The following SOS1 variants were observed in gnomAD, a reference collection of about 807,000 sequenced individuals.
The protein encoded by SOS1 is son of sevenless homolog 1.
Under a neutral mutation model 157.6 loss-of-function variants are expected in SOS1, and 25 were observed. The observed-to-expected ratio is 0.16, with a 90% CI of 0.12 to 0.22. The LOEUF (loss-of-function observed/expected upper bound fraction) is 0.22, where lower values mean the gene tolerates loss of function less well. Ranked by LOEUF, SOS1 falls within the 10% of genes least tolerant of loss-of-function variation. The pLI, the probability that SOS1 is intolerant of heterozygous loss-of-function variation, is 1.00. For missense variants in SOS1, 1,237 were observed against 1,599.1 expected (o/e 0.77, Z 3.86); for synonymous variants, 528 against 534.0 (o/e 0.99, Z 0.16).
Position 38,986,228 on chromosome 2 carries a change from C to G in SOS1, c.3598G>C (p.Asp1200His), listed in dbSNP as rs756728233. 2 of 1,613,662 alleles carry G rather than the reference C, an allele frequency of 1.2e-6. No individual in the cohort carries two copies. The highest frequency in any genetic ancestry group is 1.7e-5 in the Admixed American group (1 of 59,952). The change falls in exon 23 of 23, where the codon GAC (aspartate) becomes CAC (histidine). Residue 1200 changes from aspartate to histidine, a missense_variant. Physicochemically the swap from Asp to His is moderately conservative, Grantham distance 81. Coordinates refer to ENST00000402219, the MANE Select transcript of SOS1 (RefSeq NM_005633.4). ...KAYSPRYSIS[D>H]RTSISDPPES... ...GGAGGGTCTGAGATAGAGGTCCGGT[C>G]TGATATTGAATATCGTGGTGAATAG...
Position 39,023,223 on chromosome 2 carries a change from T to A in SOS1, c.1205A>T (p.Glu402Val), listed in dbSNP as rs1669853322. Residue 402 changes from glutamate to valine, a missense_variant and splice_region_variant, in exon 10 of 23, where the codon GAA (glutamate) becomes GTA (valine). Coordinates refer to ENST00000402219, the MANE Select transcript of SOS1 (RefSeq NM_005633.4). ...SKSLAKRRLS[E>V]SACRFYSQQM... ...CTGACTATAAAACCGACATGCAGATTCACTGGAATAAAGAAAAAGACATTA... is the reference window on the plus strand; with the variant it reads ...CTGACTATAAAACCGACATGCAGATACACTGGAATAAAGAAAAAGACATTA... The A allele has an allele frequency of 2.5e-6, 4 of 1,611,394 alleles. No individual in the cohort carries two copies. Among genetic ancestry groups the A allele is most frequent in the Non-Finnish European group, 3.4e-6 (4 of 1,178,006 alleles).
chr2:39,006,278 G>A, intron 17 of SOS1, 134 bp downstream of exon 17: 1 of 697,784 alleles, frequency 1.4e-6, no homozygotes, highest in Admixed American at 2.1e-5. Context: ...ATTCTAAAGG[G>A]CTTCAGGTGC....
At chr2:39,122,868 T>A (rs1673942822), upstream of SOS1, among the ~76,000 whole-genome samples, 1 of 151,730 alleles carries the variant, frequency 6.6e-6, no homozygotes, top group Non-Finnish European at 1.5e-5. Flanking sequence ...ATTTAAAGGG[T>A]TGTGATATGG....
At chr2:39,061,616 A>G (rs1671408291) in intron 2 of SOS1, among the ~76,000 whole-genome samples, 1 of 152,084 alleles carries the variant, frequency 6.6e-6, no homozygotes, top group Non-Finnish European at 1.5e-5. Context: ...GGAACTCCTG[A>G]GCTCAAAGTG....
intron 2 of SOS1, among the ~76,000 whole-genome samples, chr2:39,064,742 ATTTTT>A (rs4015841): frequency 6.4e-4 from 48 of 74,826 alleles, no homozygotes; most frequent in African/African-American, 2.1e-3. Context: ...TTTAAAATAC[ATTTTT>A]TTTTTTTTTT....
intron 17 of SOS1, among the ~76,000 whole-genome samples, chr2:38,999,141 A>G (rs770641842): frequency 1.3e-5 from 2 of 152,228 alleles, no homozygotes; most frequent in Non-Finnish European, 2.9e-5. Context: ...AAAAATGAGA[A>G]GTGTAATGAG....
chr2:38,987,769 GCAGA>G (rs1442561498), intron 21 of SOS1, 178 bp from the exon 22 acceptor site: 11 of 574,256 alleles, frequency 1.9e-5, no homozygotes, highest in Non-Finnish European at 3.1e-5. Flanking sequence ...ATAAAAGCAT[GCAGA>G]CATTTTTTAG....
At position 39,105,315 on chromosome 2, in the gene SOS1, G is replaced by A. The variant is rs536537160; in HGVS notation, c.87+15021C>T. ...ATTTTTTTTTTTTTTAAATAGAGAT[G>A]GGGTCTCACCATGTTGCCCAGGCTG... On this transcript the variant is annotated intron_variant, in intron 1 of 22. Coordinates refer to ENST00000402219, the MANE Select transcript of SOS1 (RefSeq NM_005633.4). 8.8e-4 allele frequency among the ~76,000 whole-genome samples: 132 copies of A among 149,470 alleles called. 1 individual carries two copies. The South Asian group carries it at 0.019, about 21-fold the overall frequency.
At chr2:39,034,780 T>C in intron 8 of SOS1, 1 of 455,986 alleles carries the variant, frequency 2.2e-6, no homozygotes, top group Non-Finnish European at 4.4e-6. Flanking sequence ...ACCTTCCCCA[T>C]TACTTTGGCC....
intron 6 of SOS1, among the ~76,000 whole-genome samples, chr2:39,041,010 T>C (rs761000542): frequency 5.9e-5 from 9 of 152,204 alleles, no homozygotes; most frequent in Admixed American, 4.6e-4. Context: ...CTTGTTACTT[T>C]CCCTTTATTT....
At chr2:39,029,491 G>A (rs1218683702) in intron 8 of SOS1, among the ~76,000 whole-genome samples, 38 of 152,070 alleles carry the variant, frequency 2.5e-4, no homozygotes, top group Non-Finnish European at 1.2e-4. Context: ...AGGCATGGTG[G>A]CGCACAACCA....
intron 2 of SOS1, among the ~76,000 whole-genome samples, chr2:39,060,072 G>A (rs1012623790): frequency 7.9e-5 from 12 of 152,074 alleles, no homozygotes; most frequent in African/African-American, 2.9e-4. Context: ...GGGAGAGAAG[G>A]GAACATCCAA....
chr2:39,086,957 C>T (rs1185131932), intron 1 of SOS1, among the ~76,000 whole-genome samples: 1 of 152,060 alleles, frequency 6.6e-6, no homozygotes, highest in Non-Finnish European at 1.5e-5. Context: ...GGATTACAGG[C>T]GCCCACCACC....
chr2:39,014,661 T>A lies in SOS1; in HGVS notation c.1940+104A>T, dbSNP rs995862771. On this transcript the variant is annotated intron_variant, in intron 11 of 22. Coordinates refer to ENST00000402219, the MANE Select transcript of SOS1 (RefSeq NM_005633.4). ...ATTTTATTTATTGAAAAAGTGCTTGTGAAGTATATTTTAAAGCTCATCTAA... is the reference window on the plus strand; with the variant it reads ...ATTTTATTTATTGAAAAAGTGCTTGAGAAGTATATTTTAAAGCTCATCTAA... 57 of 574,242 alleles carry A rather than the reference T, an allele frequency of 9.9e-5. 1 individual carries two copies. Among genetic ancestry groups the A allele is most frequent in the Non-Finnish European group, 1.6e-4 (51 of 317,092 alleles). The allele number at this position is 574,242 out of a possible 1,614,324, so 35.6% of individuals were successfully genotyped here. A position where few individuals can be genotyped will look rare whatever the true frequency, so the allele number is the denominator to read the frequency against.
rs1169502340 is a variant in SOS1, at chr2:39,106,605, A to ACAAAC, written c.87+13730_87+13731insGTTTG. Among the ~76,000 whole-genome samples the ACAAAC allele has an allele frequency of 1.3e-3, 188 of 149,244 alleles. 7 individuals carry two copies. Among genetic ancestry groups the ACAAAC allele is most frequent in the African/African-American group, 4.3e-3 (169 of 39,240 alleles). ...GACTCCGTCTCAAAAAAAAAAACAAAAAAAAAAACAAAACATCTGAGTAAT... is the reference window on the plus strand; with the variant it reads ...GACTCCGTCTCAAAAAAAAAAACAAACAAACAAAAAAAACAAAACATCTGAGTAAT... On this transcript the variant is annotated intron_variant, in intron 1 of 22. Transcript: ENST00000402219.
intron 1 of SOS1, among the ~76,000 whole-genome samples, chr2:39,081,750 A>G (rs556545028): frequency 1.3e-5 from 2 of 151,946 alleles, no homozygotes; most frequent in South Asian, 4.2e-4. Context: ...ACTTGAACCC[A>G]GGAGGCAGAG....
chr2:39,022,772 C>T lies in SOS1; in HGVS notation c.1656G>A (p.Arg552=). 6 of 1,613,648 alleles carry T rather than the reference C, an allele frequency of 3.7e-6. No individual in the cohort carries two copies. Among genetic ancestry groups the T allele is most frequent in the Non-Finnish European group, 5.1e-6 (6 of 1,179,648 alleles). ...ISLQYRSTLE[R]MLDVTMLQEE... is the part of the protein sequence containing the mutation. The stretch of plus-strand genomic sequence containing the variant: ...CCTGTAGCATTGTTACATCAAGCAT[C>T]CTTTCCAGTGTACTCCGGTACTGTA... The change falls in exon 10 of 23, where the codon AGG becomes AGA. Residue 552 remains arginine, a synonymous_variant. Coordinates refer to ENST00000402219, the MANE Select transcript of SOS1 (RefSeq NM_005633.4).
In SOS1 at chr2:39,056,866, C is replaced by G. The variant is rs747505741; in HGVS notation, c.346G>C (p.Glu116Gln). ...PVEKIHPLLK[E>Q]VLGYKIDHQV... ...TGGTCAATTTTATAACCTAGGACCT[C>G]CTGCAAAATTAAAAGAAAAGCATGT... Residue 116 changes from glutamate to glutamine, a missense_variant and splice_region_variant, in exon 4 of 23, where the codon GAG (glutamate) becomes CAG (glutamine). Physicochemically the swap from Glu to Gln is conservative, Grantham distance 29. Coordinates refer to ENST00000402219, the MANE Select transcript of SOS1 (RefSeq NM_005633.4). 1 of 1,600,122 alleles carries G rather than the reference C, an allele frequency of 6.2e-7. No homozygotes were observed. The highest frequency in any genetic ancestry group is 1.1e-5 in the South Asian group (1 of 90,792).
At chr2:39,003,797 C>T (rs896946273) in intron 17 of SOS1, among the ~76,000 whole-genome samples, 2 of 152,148 alleles carry the variant, frequency 1.3e-5, no homozygotes, top group African/African-American at 4.8e-5. Flanking sequence ...GAAGAACCAA[C>T]TTTATCATCT....
Sources: gnomAD v4.1 joint callset for allele counts (sites outside exome capture counted in the v4.1 genomes callset) on GRCh38, gnomAD v4.1.1 for gene constraint, MANE v1.5 for transcripts, NCBI Gene and HGNC (gene_info 2026-07-23, HGNC 2026-07-21) for gene names.